The following LRP1B variants were observed in gnomAD, a reference collection of about 807,000 sequenced individuals.
The protein encoded by LRP1B is low-density lipoprotein receptor-related protein 1B.
A neutral mutation model predicts 556.6 loss-of-function variants in LRP1B; 217 were observed. The ratio of observed to expected loss-of-function variants is 0.39; its 90% CI spans 0.35 to 0.44. The LOEUF is 0.44. Among genes scored for constraint, LRP1B ranks in the 20% least tolerant of loss-of-function variants. The pLI is 1.00. For missense variants in LRP1B, 5,053 were observed against 5,620.8 expected (o/e 0.90, Z 3.23); for synonymous variants, 2,047 against 1,865.8 (o/e 1.10, Z -2.50).
At chr2:142,054,116 G>T (rs926122303) in intron 1 of LRP1B, among the ~76,000 whole-genome samples, 2 of 151,932 alleles carry the variant, frequency 1.3e-5, no homozygotes, top group South Asian at 2.1e-4. Flanking sequence ...CTTTTAACAC[G>T]GGAGAAAACA....
At chr2:141,946,410 G>T (rs1422428565) in intron 1 of LRP1B, among the ~76,000 whole-genome samples, 2 of 152,130 alleles carry the variant, frequency 1.3e-5, no homozygotes, top group South Asian at 4.1e-4. Context: ...TACTTCTAAA[G>T]GTGTTGAGTC....
intron 66 of LRP1B, among the ~76,000 whole-genome samples, chr2:140,421,108 T>A (rs1221312978): frequency 6.6e-6 from 1 of 151,856 alleles, no homozygotes; most frequent in African/African-American, 2.4e-5. Flanking sequence ...ATACAAAAAT[T>A]AGCCAGGGAT....
At chr2:140,832,122 G>A (rs1691738962) in intron 31 of LRP1B, among the ~76,000 whole-genome samples, 1 of 152,002 alleles carries the variant, frequency 6.6e-6, no homozygotes, top group South Asian at 2.1e-4. Flanking sequence ...TGAACTGCAT[G>A]GGTTCACTTA....
intron 2 of LRP1B, among the ~76,000 whole-genome samples, chr2:141,752,271 G>C (rs1045583679): frequency 6.6e-6 from 1 of 151,986 alleles, no homozygotes; most frequent in African/African-American, 2.4e-5. Context: ...ATTTTAAATG[G>C]GCAGAAGAGA....
chr2:140,778,821 A>C (rs1368862920), intron 32 of LRP1B, among the ~76,000 whole-genome samples: 1 of 152,130 alleles, frequency 6.6e-6, no homozygotes, highest in Non-Finnish European at 1.5e-5. Flanking sequence ...ACATCTCCTG[A>C]ATCAGATATG....
At chr2:141,517,029 A>AAAAAAAAAAAAAAAAACAAAAAAAC (rs772472942) in intron 2 of LRP1B, among the ~76,000 whole-genome samples, 2 of 90,192 alleles carry the variant, frequency 2.2e-5, no homozygotes, top group South Asian at 4.3e-4. Flanking sequence ...AAAAAAAAAA[A>AAAAAAAAAAAAAAAAACAAAAAAAC]AAAGTAAATC....
intron 32 of LRP1B, among the ~76,000 whole-genome samples, chr2:140,812,518 T>G (rs1333887702): frequency 1.3e-5 from 2 of 151,950 alleles, no homozygotes; most frequent in Non-Finnish European, 2.9e-5. Context: ...GAAAATGAAT[T>G]TCCAAATCTG....
chr2:141,903,124 C>T (rs1478116241), intron 1 of LRP1B, among the ~76,000 whole-genome samples: 2 of 140,560 alleles, frequency 1.4e-5, no homozygotes, highest in African/African-American at 5.3e-5. Context: ...AAAAAAAGTT[C>T]CTAATTATAG....
intron 33 of LRP1B, 22 bp from the exon 34 acceptor site, chr2:140,771,028 C>G (rs2104939621): frequency 6.5e-7 from 1 of 1,535,912 alleles, no homozygotes; most frequent in Admixed American, 2.4e-5. Flanking sequence ...GAAAATGAAA[C>G]AAATTTCTTT....
intron 25 of LRP1B, among the ~76,000 whole-genome samples, chr2:140,879,185 T>C (rs1693397818): frequency 6.6e-6 from 1 of 152,078 alleles, no homozygotes; most frequent in Admixed American, 6.6e-5. Context: ...AATTGGGAAA[T>C]TGGTGTCTAC....
chr2:140,522,018 T>A (rs1690200730), intron 49 of LRP1B, among the ~76,000 whole-genome samples: 2 of 152,146 alleles, frequency 1.3e-5, no homozygotes, highest in Non-Finnish European at 2.9e-5. Flanking sequence ...TCCAGTGACA[T>A]CATTCGGTCA....
At position 140,868,195 on chromosome 2, in the gene LRP1B, C is replaced by T. The variant is rs530345893; in HGVS notation, c.4238G>A (p.Gly1413Glu). ...CATGTCTTTATAGATGGTTTTTCTC[C>T]CAGCACCACTCATAGAGGCAGATTC... ...RIESASMSGA[G>E]RKTIYKDMKT... The change falls in exon 26 of 91, where the codon GGG becomes GAG. Residue 1413 changes from glycine to glutamate, a missense_variant. Transcript: ENST00000389484. 7 of 1,610,062 alleles carry T rather than the reference C, an allele frequency of 4.3e-6. No individual in the cohort carries two copies. Among genetic ancestry groups the T allele is most frequent in the Non-Finnish European group, 5.1e-6 (6 of 1,178,126 alleles).
chr2:141,553,831 ATAAT>A (rs1300865729), intron 2 of LRP1B, among the ~76,000 whole-genome samples: 1 of 137,886 alleles, frequency 7.3e-6, no homozygotes, highest in Non-Finnish European at 1.5e-5. Flanking sequence ...ATATAGGTAT[ATAAT>A]ATATCTATAT....
At chr2:141,255,944 A>G (rs1222068551) in intron 3 of LRP1B, among the ~76,000 whole-genome samples, 1 of 151,992 alleles carries the variant, frequency 6.6e-6, no homozygotes, top group Non-Finnish European at 1.5e-5. Flanking sequence ...TTGTAATGTG[A>G]TATTTATTGA....
In LRP1B at chr2:140,498,082, A is replaced by G. The variant is rs191646982; in HGVS notation, c.8851-2334T>C. Among the ~76,000 whole-genome samples the G allele has an allele frequency of 4.0e-5, 6 of 151,886 alleles. 1 individual carries two copies. Among genetic ancestry groups the G allele is most frequent in the South Asian group, 4.1e-4 (2 of 4,830 alleles). ...CATAAATTCAATGGAAGAAAATAAT[A>G]ATCTTTTGCATTTTCAAAGACATTT... On this transcript the variant is annotated intron_variant, in intron 55 of 90. Coordinates refer to ENST00000389484, the MANE Select transcript of LRP1B (RefSeq NM_018557.3).
At chr2:141,978,586 G>A (rs1217029750) in intron 1 of LRP1B, among the ~76,000 whole-genome samples, 1 of 151,916 alleles carries the variant, frequency 6.6e-6, no homozygotes. Context: ...TGAAAATACA[G>A]GGCAGGTTAA....
intron 41 of LRP1B, among the ~76,000 whole-genome samples, chr2:140,672,742 T>C (rs556918898): frequency 3.7e-4 from 56 of 152,266 alleles, no homozygotes; most frequent in Admixed American, 1.4e-3. Context: ...CTCTTTCTCT[T>C]ACAGTCCAAA....
intron 32 of LRP1B, among the ~76,000 whole-genome samples, chr2:140,792,065 C>T (rs1032914449): frequency 6.6e-6 from 1 of 152,136 alleles, no homozygotes; most frequent in African/African-American, 2.4e-5. Context: ...ACAAACTTTA[C>T]TAAAATAACC....
intron 5 of LRP1B, among the ~76,000 whole-genome samples, chr2:141,238,680 A>C (rs1482045567): frequency 6.6e-6 from 1 of 152,136 alleles, no homozygotes; most frequent in African/African-American, 2.4e-5. Context: ...AACGTATAGG[A>C]GTAATGAGGA....
Sources: allele counts gnomAD v4.1 joint callset (sites outside exome capture counted in the v4.1 genomes callset), GRCh38; gene constraint gnomAD v4.1.1; transcripts MANE v1.5; gene names NCBI Gene and HGNC (gene_info 2026-07-23, HGNC 2026-07-21).